Variants in JAZF1 observed in about 807,000 individuals in gnomAD.
JAZF1 encodes JAZF zinc finger 1, also known as juxtaposed with another zinc finger protein 1.
JAZF1 carries 8 observed loss-of-function variants against 26.4 expected under a neutral mutation model. The observed-to-expected ratio is 0.30, with a 90% CI of 0.18 to 0.55. JAZF1 has a LOEUF of 0.55. JAZF1 is among the 20% of genes least tolerant of loss of function. The pLI is 0.94. For synonymous variants in JAZF1, 126 were observed against 122.3 expected, an observed-to-expected ratio of 1.03 and a Z score of -0.20; for missense variants, 199 against 322.0, an observed-to-expected ratio of 0.62 and a Z score of 2.92.
chr7:27,912,967 G>A (rs548240410), intron 2 of JAZF1, among the ~76,000 whole-genome samples: 37 of 152,084 alleles, frequency 2.4e-4, no homozygotes, highest in South Asian at 8.3e-4. Context: ...CCTCATTTAC[G>A]CAATTAACCA....
chr7:28,031,580 A>T (rs73683941), intron 1 of JAZF1, among the ~76,000 whole-genome samples: 21 of 152,188 alleles, frequency 1.4e-4, no homozygotes, highest in African/African-American at 5.1e-4. Flanking sequence ...TTGTGTATGC[A>T]TAACTTTTTC....
chr7:27,841,726 A>AACC (rs1213643387), intron 3 of JAZF1: 1 of 152,164 alleles, frequency 6.6e-6, no homozygotes, highest in Non-Finnish European at 1.5e-5. Flanking sequence ...AGGGATGGAG[A>AACC]ACCACTTCAA....
At chr7:27,972,894 T>C (rs997164340) in intron 2 of JAZF1, among the ~76,000 whole-genome samples, 1 of 151,700 alleles carries the variant, frequency 6.6e-6, no homozygotes, top group African/African-American at 2.4e-5. Flanking sequence ...TATATACATA[T>C]ATGTATGCAA....
At chr7:28,061,815 G>T (rs1328222965) in intron 1 of JAZF1, among the ~76,000 whole-genome samples, 2 of 152,044 alleles carry the variant, frequency 1.3e-5, no homozygotes, top group Non-Finnish European at 2.9e-5. Context: ...AAGACAAGTG[G>T]GTATTTCTTG....
chr7:28,150,694 A>G (rs952930942), intron 1 of JAZF1, among the ~76,000 whole-genome samples: 1 of 152,186 alleles, frequency 6.6e-6, no homozygotes, highest in Non-Finnish European at 1.5e-5. Context: ...CACGGGGGAG[A>G]CATTAGGAAG....
At chr7:27,895,481 A>T in intron 2 of JAZF1, 65 bp from the exon 3 acceptor site, 2 of 1,248,556 alleles carry the variant, frequency 1.6e-6, no homozygotes, top group Non-Finnish European at 2.2e-6. Flanking sequence ...GATGACATTT[A>T]TTAGAGTTTC....
At chr7:28,098,431 C>T (rs1784418640) in intron 1 of JAZF1, among the ~76,000 whole-genome samples, 2 of 151,954 alleles carry the variant, frequency 1.3e-5, no homozygotes, top group South Asian at 2.1e-4. Flanking sequence ...CCAAGTACGT[C>T]TTCTTCATCT....
chr7:28,098,356 A>G (rs1784417645), intron 1 of JAZF1, among the ~76,000 whole-genome samples: 1 of 152,118 alleles, frequency 6.6e-6, no homozygotes, highest in African/African-American at 2.4e-5. Context: ...GATTGTGTGT[A>G]AGCCAAACAG....
At chr7:28,143,669 T>C (rs1782988407) in intron 1 of JAZF1, among the ~76,000 whole-genome samples, 1 of 152,258 alleles carries the variant, frequency 6.6e-6, no homozygotes, top group Admixed American at 6.5e-5. Flanking sequence ...GCCCAGTCTT[T>C]GGAGCTATAG....
intron 2 of JAZF1, among the ~76,000 whole-genome samples, chr7:27,955,491 T>A (rs1392023008): frequency 6.6e-6 from 1 of 152,198 alleles, no homozygotes; most frequent in African/African-American, 2.4e-5. Context: ...GCCTTGTAAG[T>A]TTCCTGGCTT....
At chr7:28,147,790 G>T (rs544781807) in intron 1 of JAZF1, among the ~76,000 whole-genome samples, 1 of 152,042 alleles carries the variant, frequency 6.6e-6, no homozygotes, top group African/African-American at 2.4e-5. Flanking sequence ...TGGGCTGGGG[G>T]GAGGGGGGAC....
chr7:28,071,358 A>G (rs1165457043), intron 1 of JAZF1, among the ~76,000 whole-genome samples: 1 of 152,184 alleles, frequency 6.6e-6, no homozygotes, highest in Non-Finnish European at 1.5e-5. Flanking sequence ...ACCTCTGTCA[A>G]CTCCAACACC....
chr7:28,095,518 C>A (rs1453183868), intron 1 of JAZF1, among the ~76,000 whole-genome samples: 2 of 152,146 alleles, frequency 1.3e-5, no homozygotes, highest in Non-Finnish European at 2.9e-5. Flanking sequence ...GATTCAATTA[C>A]CTACAGCTGG....
rs561180261 is a variant in JAZF1, at chr7:27,835,772, A to G, written c.556-2796T>C. On this transcript the variant is annotated intron_variant, in intron 4 of 4. Transcript: ENST00000283928. ...CAGAGGAGCTCTGAAAAGATCCACC[A>G]AAGTTTATTTCATCAGTCCTGAAAC... 2.6e-5 allele frequency among the ~76,000 whole-genome samples: 4 copies of G among 152,346 alleles called. No homozygotes were observed. In the East Asian group the frequency reaches 5.8e-4, roughly 22 times the overall value.
At chr7:28,135,287 T>G (rs371162602) in intron 1 of JAZF1, among the ~76,000 whole-genome samples, 1 of 152,356 alleles carries the variant, frequency 6.6e-6, no homozygotes, top group Admixed American at 6.5e-5. Flanking sequence ...GCTTGATACC[T>G]AACAAGCAGG....
intron 1 of JAZF1, among the ~76,000 whole-genome samples, chr7:28,075,793 A>T (rs910649739): frequency 3.8e-4 from 58 of 152,332 alleles, no homozygotes; most frequent in African/African-American, 1.3e-3. Flanking sequence ...TTAGGGTGGA[A>T]TTCTAGAAAT....
intron 2 of JAZF1, among the ~76,000 whole-genome samples, chr7:27,947,928 C>T (rs1309556760): frequency 6.6e-6 from 1 of 152,186 alleles, no homozygotes; most frequent in Non-Finnish European, 1.5e-5. Context: ...CATCCACGGG[C>T]TAACTCTGCT....
chr7:28,129,757 A>C (rs891790952), intron 1 of JAZF1, among the ~76,000 whole-genome samples: 1 of 152,244 alleles, frequency 6.6e-6, no homozygotes, highest in Non-Finnish European at 1.5e-5. Flanking sequence ...AAAGAAAAAC[A>C]AAAGGGAGAA....
chr7:28,012,967 T>C (rs1372710049), intron 1 of JAZF1, among the ~76,000 whole-genome samples: 1 of 152,168 alleles, frequency 6.6e-6, no homozygotes, highest in Non-Finnish European at 1.5e-5. Context: ...AAAGTGACCC[T>C]CCCATCTGCT....
Sources: gnomAD v4.1 joint callset for allele counts (sites outside exome capture counted in the v4.1 genomes callset) on GRCh38, gnomAD v4.1.1 for gene constraint, MANE v1.5 for transcripts, NCBI Gene and HGNC (gene_info 2026-07-23, HGNC 2026-07-21) for gene names.